TAOK1: variants seen among roughly 807,000 people sequenced by gnomAD.
TAOK1 encodes the protein TAO kinase 1.
TAOK1 carries 21 observed loss-of-function variants against 138.3 expected under a neutral mutation model. The observed-to-expected ratio is 0.15, with a 90% CI of 0.11 to 0.22. The LOEUF (loss-of-function observed/expected upper bound fraction) is 0.22, where lower values mean the gene tolerates loss of function less well. TAOK1 is among the 10% of genes least tolerant of loss of function. The pLI is 1.00. For missense variants in TAOK1, 651 were observed against 1,227.7 expected, an observed-to-expected ratio of 0.53 and a Z score of 7.02; for synonymous variants, 361 against 398.4, an observed-to-expected ratio of 0.91 and a Z score of 1.12.
intron 18 of TAOK1, among the ~76,000 whole-genome samples, chr17:29,532,139 C>G (rs2032125890): frequency 6.6e-6 from 1 of 152,060 alleles, no homozygotes; most frequent in African/African-American, 2.4e-5. Flanking sequence ...GGATTACAGG[C>G]GTGAGCCACC....
At chr17:29,462,595 T>C (rs2153025213) in intron 2 of TAOK1, among the ~76,000 whole-genome samples, 1 of 152,340 alleles carries the variant, frequency 6.6e-6, no homozygotes, top group African/African-American at 2.4e-5. Flanking sequence ...ATTTTACTAA[T>C]CTGTGCTCCC....
chr17:29,436,471 T>C (rs1333108758), intron 1 of TAOK1, among the ~76,000 whole-genome samples: 1 of 152,230 alleles, frequency 6.6e-6, no homozygotes, highest in East Asian at 1.9e-4. Context: ...TTTTCCTTTA[T>C]TAAAATGTTA....
chr17:29,403,498 G>T (rs1015274286), intron 1 of TAOK1, among the ~76,000 whole-genome samples: 2 of 152,042 alleles, frequency 1.3e-5, no homozygotes, highest in African/African-American at 2.4e-5. Context: ...CTTCCTTGTT[G>T]TACAGAAACT....
At position 29,511,678 on chromosome 17, in the gene TAOK1, G is replaced by A. The variant is rs116883614; in HGVS notation, c.1704+686G>A. The A allele has an allele frequency of 5.4e-3, 825 of 152,108 alleles. 10 individuals carry two copies. Among genetic ancestry groups the A allele is most frequent in the Non-Finnish European group, 8.2e-3 (560 of 68,056 alleles). The allele number at this position is 152,108 out of a possible 1,614,324, so 9.4% of individuals were successfully genotyped here. ...CTGCTTTAGCCTTCCAAGTAGCTGG[G>A]AACACAAGCACACACCACCACTCCT... On this transcript the variant is annotated intron_variant, in intron 15 of 19. Transcript: ENST00000261716.
chr17:29,464,417 C>T (rs897178471), intron 2 of TAOK1, among the ~76,000 whole-genome samples: 45 of 147,536 alleles, frequency 3.1e-4, no homozygotes, highest in African/African-American at 1.1e-3. Context: ...GCACTCCAGC[C>T]TGGACTACTA....
At chr17:29,542,447 G>A in intron 19 of TAOK1, 114 bp from the exon 20 acceptor site, 2 of 855,082 alleles carry the variant, frequency 2.3e-6, no homozygotes, top group East Asian at 2.9e-5. Context: ...TGAAACTCAT[G>A]GACAAATATA....
chr17:29,406,662 G>A (rs1338806322), intron 1 of TAOK1, among the ~76,000 whole-genome samples: 2 of 152,146 alleles, frequency 1.3e-5, no homozygotes, highest in Middle Eastern at 3.4e-3. Context: ...TTCCCAAGCA[G>A]CTGAGACCAC....
chr17:29,477,097 G>A (rs1057014087), intron 4 of TAOK1, among the ~76,000 whole-genome samples: 9 of 151,996 alleles, frequency 5.9e-5, no homozygotes, highest in South Asian at 4.2e-4. Context: ...TGCCTGCCTC[G>A]GCCTCCCAAA....
In TAOK1 at chr17:29,550,752, T is replaced by G. The variant is rs1429198860; in HGVS notation, c.*7730T>G. The G allele has an allele frequency of 6.6e-6, 1 of 152,370 alleles. No individual in the cohort carries two copies. Among genetic ancestry groups the G allele is most frequent in the Non-Finnish European group, 1.5e-5 (1 of 68,040 alleles). The allele number at this position is 152,370 out of a possible 1,614,324, so 9.4% of individuals were successfully genotyped here. On this transcript the variant is annotated 3_prime_UTR_variant, in exon 20 of 20. Transcript: ENST00000261716. ...AAACATATTTATGTTTTTAGTTTTA[T>G]GTACTCATTTCCCTTTGTTTTCCTC... is the stretch of plus-strand genomic sequence containing the variant.
intron 2 of TAOK1, among the ~76,000 whole-genome samples, chr17:29,463,381 C>T (rs1033611098): frequency 7.2e-5 from 11 of 151,970 alleles, no homozygotes; most frequent in Admixed American, 2.0e-4. Flanking sequence ...ACCAGCCTGG[C>T]CAACGTGGCG....
chr17:29,411,350 C>G (rs574283275), intron 1 of TAOK1, among the ~76,000 whole-genome samples: 1 of 152,024 alleles, frequency 6.6e-6, no homozygotes, highest in African/African-American at 2.4e-5. Flanking sequence ...CTCGGCCTCC[C>G]AAAGTGCTGG....
chr17:29,403,409 T>C (rs1904906428), intron 1 of TAOK1, among the ~76,000 whole-genome samples: 1 of 152,166 alleles, frequency 6.6e-6, no homozygotes, highest in Non-Finnish European at 1.5e-5. Context: ...GAATTTAGGG[T>C]TACTGAAAAT....
intron 8 of TAOK1, among the ~76,000 whole-genome samples, chr17:29,487,829 A>G (rs1284115133): frequency 1.3e-5 from 2 of 152,246 alleles, no homozygotes; most frequent in African/African-American, 2.4e-5. Context: ...TCAGAGTACC[A>G]TCTTACAAAA....
At chr17:29,436,276 C>T (rs1042299540) in intron 1 of TAOK1, among the ~76,000 whole-genome samples, 1 of 152,130 alleles carries the variant, frequency 6.6e-6, no homozygotes, top group Non-Finnish European at 1.5e-5. Flanking sequence ...ATACCTTACT[C>T]AATTATTAAA....
At chr17:29,436,822 G>A (rs983893303) in intron 1 of TAOK1, among the ~76,000 whole-genome samples, 7 of 152,066 alleles carry the variant, frequency 4.6e-5, no homozygotes, top group Non-Finnish European at 7.4e-5. Flanking sequence ...GTACCTAAAC[G>A]TGTCACATAA....
chr17:29,396,323 A>G (rs1409157515), intron 1 of TAOK1, among the ~76,000 whole-genome samples: 2 of 152,182 alleles, frequency 1.3e-5, no homozygotes, highest in Non-Finnish European at 2.9e-5. Context: ...TAAGTATCCT[A>G]TAAAAGTTGG....
At chr17:29,463,238 A>C (rs776948604) in intron 2 of TAOK1, among the ~76,000 whole-genome samples, 3 of 152,150 alleles carry the variant, frequency 2.0e-5, no homozygotes, top group Non-Finnish European at 4.4e-5. Context: ...TGTAAATGCA[A>C]AATAATGAAA....
At chr17:29,395,824 ATTTTTTT>A (rs1187461666) in intron 1 of TAOK1, among the ~76,000 whole-genome samples, 1,213 of 72,120 alleles carry the variant, frequency 0.017, 36 homozygotes, top group African/African-American at 0.073. Flanking sequence ...CGTCTGGCTA[ATTTTTTT>A]TTTTTTTTTT....
At chr17:29,409,523 TG>T (rs1905091215) in intron 1 of TAOK1, among the ~76,000 whole-genome samples, 1 of 151,472 alleles carries the variant, frequency 6.6e-6, no homozygotes, top group Non-Finnish European at 1.5e-5. Context: ...TTAGTAGAGA[TG>T]GGGTTTCACC....
Sources: allele counts gnomAD v4.1 joint callset (sites outside exome capture counted in the v4.1 genomes callset), GRCh38; gene constraint gnomAD v4.1.1; transcripts MANE v1.5; gene names NCBI Gene and HGNC (gene_info 2026-07-23, HGNC 2026-07-21).